The following DIABLO variants were observed in gnomAD, a reference collection of about 807,000 sequenced individuals.
DIABLO encodes diablo homolog, mitochondrial.
In DIABLO, 32 loss-of-function variants were observed where a neutral mutation model predicts 31.7. That is an observed-to-expected ratio of 1.01 (90% CI 0.76 to 1.35). The LOEUF (loss-of-function observed/expected upper bound fraction) is 1.35. Among genes scored for constraint, DIABLO ranks in the 40% most tolerant of loss-of-function variants. The pLI, the probability that DIABLO is intolerant of heterozygous loss-of-function variation, is 0.00. For synonymous variants in DIABLO, 132 were observed against 103.2 expected (o/e 1.28, Z -1.69); for missense variants, 316 against 286.4 (o/e 1.10, Z -0.75).
At chr12:122,223,908 T>C (rs1277615513) in intron 2 of DIABLO, among the ~76,000 whole-genome samples, 2 of 152,180 alleles carry the variant, frequency 1.3e-5, no homozygotes, top group Non-Finnish European at 2.9e-5. Flanking sequence ...TCAAGTGATC[T>C]TCCTGCCTCA....
At chr12:122,221,466 T>C (rs927621593) in intron 2 of DIABLO, 1 of 152,108 alleles carries the variant, frequency 6.6e-6, no homozygotes, top group African/African-American at 2.4e-5. Flanking sequence ...TGGAGTATAG[T>C]GTTGTGATCC....
chr12:122,220,362 G>A lies in DIABLO; in HGVS notation c.184-1965C>T, dbSNP rs563566940. 2.0e-5 allele frequency among the ~76,000 whole-genome samples: 3 copies of A among 152,170 alleles called. No individual in the cohort carries two copies. The South Asian group carries it at 6.2e-4, about 32-fold the overall frequency. Reference sequence around the variant, plus strand: ...AATGACACATCCTCCCTGACTCTCTGCCTTTTTCCTCCTCAGCAAAGCACT... The same window carrying A: ...AATGACACATCCTCCCTGACTCTCTACCTTTTTCCTCCTCAGCAAAGCACT... On this transcript the variant is annotated intron_variant, in intron 2 of 5. Coordinates refer to ENST00000464942, the MANE Select transcript of DIABLO (RefSeq NM_001371333.1).
intron 5 of DIABLO, among the ~76,000 whole-genome samples, chr12:122,210,724 A>C (rs918650674): frequency 1.3e-5 from 2 of 151,818 alleles, no homozygotes; most frequent in Non-Finnish European, 2.9e-5. Flanking sequence ...TCCTTTTGTC[A>C]CCTGGTACAA....
intron 5 of DIABLO, among the ~76,000 whole-genome samples, chr12:122,211,795 G>C (rs1389104591): frequency 1.3e-5 from 2 of 152,210 alleles, no homozygotes; most frequent in African/African-American, 4.8e-5. Flanking sequence ...AGATCTCCTT[G>C]TAATTCTATC....
chr12:122,209,536 G>A (rs187426928), intron 5 of DIABLO, among the ~76,000 whole-genome samples: 47 of 152,046 alleles, frequency 3.1e-4, no homozygotes, highest in Non-Finnish European at 6.2e-4. Flanking sequence ...GTGGCAGAGT[G>A]CACCTGCAGT....
chr12:122,225,772 G>A (rs1954450004), intron 1 of DIABLO, 193 bp downstream of exon 1: 4 of 1,442,652 alleles, frequency 2.8e-6, no homozygotes, highest in Non-Finnish European at 3.6e-6. Flanking sequence ...AACTGAAAAG[G>A]AAGCCGGGCT....
intron 5 of DIABLO, among the ~76,000 whole-genome samples, chr12:122,210,803 T>C (rs1954069775): frequency 6.6e-6 from 1 of 152,006 alleles, no homozygotes; most frequent in South Asian, 2.1e-4. Flanking sequence ...ATTTAGTATA[T>C]ATACATTTGT....
intron 5 of DIABLO, among the ~76,000 whole-genome samples, chr12:122,215,396 T>C (rs867224321): frequency 8.0e-4 from 121 of 151,838 alleles, no homozygotes; most frequent in African/African-American, 2.4e-3. Flanking sequence ...CTGGCCAACA[T>C]GGCAAAACCC....
chr12:122,216,117 T>C (rs1385079043), intron 5 of DIABLO, among the ~76,000 whole-genome samples: 6 of 152,178 alleles, frequency 3.9e-5, no homozygotes. Flanking sequence ...TACAAAAAGG[T>C]TCACATAGAT....
upstream of DIABLO, chr12:122,226,687 A>C (rs1699215602): frequency 6.7e-6 from 4 of 601,282 alleles, no homozygotes; most frequent in Non-Finnish European, 8.9e-6. Context: ...GGAAGCCCAC[A>C]GTGCCGACCT....
At chr12:122,226,441 C>G, upstream of DIABLO, 1 of 691,742 alleles carries the variant, frequency 1.4e-6, no homozygotes, top group Non-Finnish European at 2.6e-6. Context: ...CACTTCAGCA[C>G]CAGGAAGTAA....
chr12:122,225,960 G>C lies in DIABLO; in HGVS notation c.50+5C>G, dbSNP rs372776075. On this transcript the variant is annotated splice_donor_5th_base_variant and intron_variant, in intron 1 of 5. Coordinates refer to ENST00000464942, the MANE Select transcript of DIABLO (RefSeq NM_001371333.1). ...CCTGTCCCCTCTACGCGGCCGCAGC[G>C]GTACCTGAAGAATGAAGTTACGCTG... The C allele has an allele frequency of 6.3e-7, 1 of 1,592,552 alleles. No individual in the cohort carries two copies. Among genetic ancestry groups the C allele is most frequent in the Admixed American group, 1.7e-5 (1 of 57,274 alleles).
chr12:122,223,645 T>C (rs1232743436), intron 2 of DIABLO, among the ~76,000 whole-genome samples: 3 of 152,116 alleles, frequency 2.0e-5, no homozygotes, highest in African/African-American at 7.2e-5. Flanking sequence ...TCTTTGTCCT[T>C]CTGAGTTCCT....
At chr12:122,216,667 C>T in intron 4 of DIABLO, 83 bp from the exon 5 acceptor site, 1 of 1,547,360 alleles carries the variant, frequency 6.5e-7, no homozygotes, top group Non-Finnish European at 8.9e-7. Flanking sequence ...ATTTAGAGAA[C>T]ACTGATTATA....
chr12:122,217,994 A>T (rs1227424471), intron 3 of DIABLO, among the ~76,000 whole-genome samples: 3 of 146,606 alleles, frequency 2.0e-5, no homozygotes, highest in Non-Finnish European at 3.0e-5. Context: ...AAAAAAAAAA[A>T]GGTTCCTGGG....
At chr12:122,211,151 G>A (rs1954080381) in intron 5 of DIABLO, among the ~76,000 whole-genome samples, 1 of 130,640 alleles carries the variant, frequency 7.7e-6, no homozygotes. Context: ...TGTAATCCCA[G>A]CACTTTGGGA....
intron 2 of DIABLO, among the ~76,000 whole-genome samples, chr12:122,220,019 T>C (rs1465734940): frequency 1.3e-5 from 2 of 148,974 alleles, no homozygotes; most frequent in African/African-American, 4.9e-5. Flanking sequence ...TCTTGGCTCA[T>C]TGCAACCTCC....
Position 122,216,858 on chromosome 12 carries a change from G to T in DIABLO, c.327C>A (p.Thr109=). 1.2e-6 allele frequency: 2 copies of T among 1,613,052 alleles called. No individual in the cohort carries two copies. Among genetic ancestry groups the T allele is most frequent in the Non-Finnish European group, 1.7e-6 (2 of 1,179,234 alleles). The change falls in exon 4 of 6, where the codon ACC becomes ACA. Residue 109 remains threonine, a synonymous_variant. Coordinates refer to ENST00000464942, the MANE Select transcript of DIABLO (RefSeq NM_001371333.1). ...TATATTGTCGGTAAAGAGAAGTTAA[G>T]GTATAAACAGCCTACAAATAGAGAA... ...AITEYTKAVY[T]LTSLYRQYTS... is the part of the protein sequence containing the mutation.
intron 5 of DIABLO, chr12:122,209,702 G>C (rs1362504495): frequency 2.9e-6 from 2 of 691,694 alleles, no homozygotes; most frequent in Non-Finnish European, 5.3e-6. Flanking sequence ...TTTACCTGCT[G>C]CTAGTTAGTG....
Sources: allele counts gnomAD v4.1 joint callset (sites outside exome capture counted in the v4.1 genomes callset), GRCh38; gene constraint gnomAD v4.1.1; transcripts MANE v1.5; gene names NCBI Gene and HGNC (gene_info 2026-07-23, HGNC 2026-07-21).